The following CTNNA3 variants were observed in gnomAD, a reference collection of about 807,000 sequenced individuals.
The protein encoded by CTNNA3 is catenin alpha 3, also known as catenin alpha-3.
In CTNNA3, 76 loss-of-function variants were observed where a neutral mutation model predicts 95.7. The observed-to-expected ratio is 0.79, with a 90% CI of 0.66 to 0.96. The LOEUF is 0.96. CTNNA3 is among the 40% of genes least tolerant of loss of function. The pLI is 0.00. For synonymous variants in CTNNA3, 431 were observed against 374.4 expected, an observed-to-expected ratio of 1.15 and a Z score of -1.74; for missense variants, 1,191 against 1,089.8, an observed-to-expected ratio of 1.09 and a Z score of -1.31.
At chr10:66,088,106 T>C (rs1274427206) in intron 14 of CTNNA3, among the ~76,000 whole-genome samples, 1 of 152,050 alleles carries the variant, frequency 6.6e-6, no homozygotes, top group Non-Finnish European at 1.5e-5. Context: ...ATTTGAAACA[T>C]TTTGGTCTAT....
At chr10:67,192,317 C>T (rs905912805) in intron 6 of CTNNA3, among the ~76,000 whole-genome samples, 3 of 151,756 alleles carry the variant, frequency 2.0e-5, no homozygotes, top group Admixed American at 6.6e-5. Context: ...AGGCAACACA[C>T]AGAAAGAATG....
intron 12 of CTNNA3, among the ~76,000 whole-genome samples, chr10:66,340,707 G>A (rs1421523535): frequency 6.6e-6 from 1 of 151,456 alleles, no homozygotes; most frequent in Non-Finnish European, 1.5e-5. Flanking sequence ...CATTTGATGA[G>A]AAATTTTAAA....
intron 9 of CTNNA3, among the ~76,000 whole-genome samples, chr10:66,744,087 G>T (rs1849422877): frequency 6.6e-6 from 1 of 151,510 alleles, no homozygotes. Context: ...GCAAGAAACT[G>T]ACTACTATGA....
chr10:66,589,015 G>A (rs1159709563), intron 10 of CTNNA3, among the ~76,000 whole-genome samples: 4 of 151,964 alleles, frequency 2.6e-5, no homozygotes, highest in Non-Finnish European at 5.9e-5. Flanking sequence ...GTTAACTCAG[G>A]TAACAGAAAA....
At chr10:67,245,685 C>G (rs773373704) in intron 5 of CTNNA3, among the ~76,000 whole-genome samples, 1 of 151,974 alleles carries the variant, frequency 6.6e-6, no homozygotes, top group Non-Finnish European at 1.5e-5. Context: ...TTGTGAAACC[C>G]CGTCTCTACT....
At chr10:66,836,579 T>TGCAGTG (rs1842894866) in intron 7 of CTNNA3, among the ~76,000 whole-genome samples, 1 of 152,166 alleles carries the variant, frequency 6.6e-6, no homozygotes, top group African/African-American at 2.4e-5. Flanking sequence ...AGGCGAGTCC[T>TGCAGTG]GCAGTGGGGC....
chr10:67,292,892 T>A (rs1564540883), intron 5 of CTNNA3, among the ~76,000 whole-genome samples: 1 of 152,082 alleles, frequency 6.6e-6, no homozygotes, highest in Non-Finnish European at 1.5e-5. Context: ...TTCTGGTAAC[T>A]CTAATGGGCT....
chr10:67,601,686 C>T (rs761135656), intron 3 of CTNNA3, among the ~76,000 whole-genome samples: 7 of 152,168 alleles, frequency 4.6e-5, no homozygotes, highest in Non-Finnish European at 7.3e-5. Context: ...AACTGCTATA[C>T]GAATATTCTA....
At chr10:66,078,200 A>C (rs2080613423) in intron 14 of CTNNA3, among the ~76,000 whole-genome samples, 1 of 151,938 alleles carries the variant, frequency 6.6e-6, no homozygotes, top group African/African-American at 2.4e-5. Context: ...TCAGACCTCT[A>C]GAACCTAAAG....
chr10:67,364,863 G>A (rs934846909), intron 5 of CTNNA3, among the ~76,000 whole-genome samples: 1 of 152,026 alleles, frequency 6.6e-6, no homozygotes, highest in Admixed American at 6.6e-5. Flanking sequence ...TCATAGAATT[G>A]GAAAAACCTA....
At chr10:66,964,277 CTT>C (rs566704978) in intron 7 of CTNNA3, among the ~76,000 whole-genome samples, 2,541 of 140,228 alleles carry the variant, frequency 0.018, 85 homozygotes, top group African/African-American at 0.059. Flanking sequence ...AAGAGCAGGT[CTT>C]TTTTTTTTTT....
rs191391272 is a variant in CTNNA3 at position 66,422,111 on chromosome 10, T to A, written c.1532-42759A>T. Among the ~76,000 whole-genome samples the A allele has an allele frequency of 1.0e-3, 154 of 151,944 alleles. 1 individual carries two copies. Among genetic ancestry groups the A allele is most frequent in the African/African-American group, 3.4e-3 (140 of 41,468 alleles). ...TTCAATGTTGATATTTCTCAACGGATCCTTAGAAGTAAACATTGCACAAAT... is the reference window on the plus strand; with the variant it reads ...TTCAATGTTGATATTTCTCAACGGAACCTTAGAAGTAAACATTGCACAAAT... On this transcript the variant is annotated intron_variant, in intron 11 of 17. Transcript: ENST00000433211.
rs375093953 is a variant in CTNNA3 at position 67,290,521 on chromosome 10, G to A, written c.580-70651C>T. The stretch of plus-strand genomic sequence containing the variant: ...TTTATGCAACTTTTCTATGTGCCAG[G>A]ATGTGTTCTAAGCATTTTATGTGTA... On this transcript the variant is annotated intron_variant, in intron 5 of 17. Transcript: ENST00000433211. Among the ~76,000 whole-genome samples the A allele has an allele frequency of 7.9e-5, 12 of 152,212 alleles. No homozygotes were observed. The East Asian group carries it at 1.4e-3, about 17-fold the overall frequency.
chr10:66,845,774 CACACACAT>C (rs1376335484), intron 7 of CTNNA3, among the ~76,000 whole-genome samples: 12 of 138,202 alleles, frequency 8.7e-5, no homozygotes, highest in Middle Eastern at 4.0e-3. Flanking sequence ...CACACACACA[CACACACAT>C]ATATATGTAT....
intron 7 of CTNNA3, among the ~76,000 whole-genome samples, chr10:67,038,211 T>C (rs1265259103): frequency 6.6e-6 from 1 of 152,162 alleles, no homozygotes; most frequent in Admixed American, 6.5e-5. Flanking sequence ...AAATATATTG[T>C]ATTATTTTAT....
chr10:66,366,828 G>A (rs2092713991), intron 12 of CTNNA3, among the ~76,000 whole-genome samples: 2 of 152,134 alleles, frequency 1.3e-5, no homozygotes, highest in African/African-American at 4.8e-5. Flanking sequence ...GCTTAACTCT[G>A]TATGATTAAG....
rs185337662 is a variant in CTNNA3, at chr10:66,613,164, C to A, written c.1374+8528G>T. On this transcript the variant is annotated intron_variant, in intron 10 of 17. Transcript: ENST00000433211. Reference sequence around the variant, plus strand: ...GCCTGCATGTGAAACTATGCTAATTCTAGGCTATGTACTTTAAAGTCATTA... The same window carrying A: ...GCCTGCATGTGAAACTATGCTAATTATAGGCTATGTACTTTAAAGTCATTA... Among the ~76,000 whole-genome samples, 21 of 152,174 alleles carry A rather than the reference C, an allele frequency of 1.4e-4. No homozygotes were observed. The East Asian group carries it at 3.9e-3, about 28-fold the overall frequency.
chr10:66,041,445 G>A lies in CTNNA3; in HGVS notation c.2159+27863C>T, dbSNP rs190384431. Among the ~76,000 whole-genome samples, 587 of 151,672 alleles carry A rather than the reference G, an allele frequency of 3.9e-3. 2 individuals carry two copies. The highest frequency in any genetic ancestry group is 0.013 in the African/African-American group (558 of 41,472). ...TTCATGGTTTTGATCACTGTACTAT[G>A]GTTATGTAAGATGTTACCTTAACAT... On this transcript the variant is annotated intron_variant, in intron 15 of 17. Transcript: ENST00000433211.
intron 11 of CTNNA3, among the ~76,000 whole-genome samples, chr10:66,380,282 T>C (rs2092827074): frequency 6.6e-6 from 1 of 152,050 alleles, no homozygotes; most frequent in Admixed American, 6.6e-5. Context: ...TCTTCAGTTT[T>C]CTTTCAGAGT....
Sources: allele counts gnomAD v4.1 joint callset (sites outside exome capture counted in the v4.1 genomes callset), GRCh38; gene constraint gnomAD v4.1.1; transcripts MANE v1.5; gene names NCBI Gene and HGNC (gene_info 2026-07-23, HGNC 2026-07-21).